Variants in PREX2 observed in about 807,000 individuals in gnomAD.
PREX2 encodes the protein phosphatidylinositol 3,4,5-trisphosphate-dependent Rac exchanger 2 protein.
A neutral mutation model predicts 203.2 loss-of-function variants in PREX2; 107 were observed. The ratio of observed to expected loss-of-function variants is 0.53; its 90% CI spans 0.45 to 0.62. The LOEUF (loss-of-function observed/expected upper bound fraction) is 0.62. PREX2 is among the 20% of genes least tolerant of loss of function. The pLI, the probability that PREX2 is intolerant of heterozygous loss-of-function variation, is 0.00. For missense variants in PREX2, 1,777 were observed against 1,955.9 expected, an observed-to-expected ratio of 0.91 and a Z score of 1.72; for synonymous variants, 672 against 663.6, an observed-to-expected ratio of 1.01 and a Z score of -0.19.
At chr8:68,162,797 C>T (rs568252080) in intron 35 of PREX2, among the ~76,000 whole-genome samples, 2 of 152,176 alleles carry the variant, frequency 1.3e-5, no homozygotes, top group East Asian at 3.9e-4. Flanking sequence ...AGGACTTGTC[C>T]CCAGACCTCA....
intron 25 of PREX2, among the ~76,000 whole-genome samples, chr8:68,112,750 G>A (rs1810559878): frequency 6.6e-6 from 1 of 152,102 alleles, no homozygotes; most frequent in Admixed American, 6.5e-5. Flanking sequence ...AGGAAATCCT[G>A]CTTAATTTGC....
At chr8:68,100,919 G>C (rs1172541479) in intron 23 of PREX2, among the ~76,000 whole-genome samples, 2 of 152,042 alleles carry the variant, frequency 1.3e-5, no homozygotes, top group African/African-American at 4.8e-5. Flanking sequence ...TTGATGGCTT[G>C]GACTACATTG....
intron 14 of PREX2, among the ~76,000 whole-genome samples, chr8:68,076,552 A>G (rs1809354897): frequency 6.6e-6 from 1 of 152,108 alleles, no homozygotes; most frequent in Non-Finnish European, 1.5e-5. Flanking sequence ...TATTGACAGT[A>G]GAAATGGAAT....
At chr8:68,056,221 C>CG (rs750957052) in intron 10 of PREX2, among the ~76,000 whole-genome samples, 80 of 151,968 alleles carry the variant, frequency 5.3e-4, no homozygotes, top group Non-Finnish European at 8.8e-4. Context: ...GTCATGATCC[C>CG]GGGGGAAAGT....
chr8:68,177,062 G>C lies in PREX2; in HGVS notation c.4347-14660G>C, dbSNP rs529971387. On this transcript the variant is annotated intron_variant, in intron 35 of 39. Transcript: ENST00000288368. ...ACAGAAAAGATAATTGCCCAGATCT[G>C]CTGAGAACAATGATACAAAAGGCCT... is the stretch of plus-strand genomic sequence containing the variant. 7.2e-5 allele frequency: 11 copies of C among 153,092 alleles called. No homozygotes were observed. In the East Asian group the frequency reaches 9.7e-4, roughly 13 times the overall value. 9.5% of individuals were successfully genotyped at this position (153,092 alleles called of 1,614,324 possible).
At chr8:67,993,762 A>G (rs373589938) in intron 1 of PREX2, among the ~76,000 whole-genome samples, 4 of 152,290 alleles carry the variant, frequency 2.6e-5, no homozygotes, top group African/African-American at 9.6e-5. Flanking sequence ...TCCAGGGCCA[A>G]TCACCATGGG....
chr8:68,073,986 T>C (rs779742554), intron 14 of PREX2, among the ~76,000 whole-genome samples: 9 of 151,970 alleles, frequency 5.9e-5, no homozygotes, highest in Non-Finnish European at 1.2e-4. Flanking sequence ...TTTTTTTTTT[T>C]AGACGAGTCT....
At chr8:68,127,943 T>C (rs1810928043) in intron 31 of PREX2, among the ~76,000 whole-genome samples, 1 of 152,198 alleles carries the variant, frequency 6.6e-6, no homozygotes, top group Admixed American at 6.5e-5. Flanking sequence ...ACTATGTCTA[T>C]TTTGTTCATC....
chr8:68,158,727 A>ATGTCTCTC (rs1178167081), intron 35 of PREX2, among the ~76,000 whole-genome samples: 1 of 152,146 alleles, frequency 6.6e-6, no homozygotes, highest in Non-Finnish European at 1.5e-5. Context: ...TTTCATTTTA[A>ATGTCTCTC]TGTCTCTCTG....
At chr8:68,198,103 G>A (rs1812434330) in intron 37 of PREX2, among the ~76,000 whole-genome samples, 1 of 152,150 alleles carries the variant, frequency 6.6e-6, no homozygotes, top group Non-Finnish European at 1.5e-5. Context: ...GTTCCCAAAA[G>A]AGTTGTCCTT....
chr8:67,969,007 GGAGGCTTT>G (rs1221091759), intron 1 of PREX2, among the ~76,000 whole-genome samples: 3 of 152,292 alleles, frequency 2.0e-5, no homozygotes, highest in Admixed American at 1.3e-4. Flanking sequence ...GCTCTTACTT[GGAGGCTTT>G]GAGATTTTCT....
At chr8:68,175,927 A>G (rs973883693) in intron 35 of PREX2, among the ~76,000 whole-genome samples, 4 of 152,092 alleles carry the variant, frequency 2.6e-5, no homozygotes, top group African/African-American at 9.6e-5. Context: ...TCTTTTGTCT[A>G]TTTAAATATT....
intron 1 of PREX2, among the ~76,000 whole-genome samples, chr8:68,000,658 A>G (rs1158326791): frequency 2.0e-5 from 3 of 152,252 alleles, no homozygotes; most frequent in African/African-American, 7.2e-5. Flanking sequence ...CTAAGCAAAA[A>G]GAACAAAGCT....
At chr8:68,193,683 T>A (rs1812340426) in intron 37 of PREX2, among the ~76,000 whole-genome samples, 1 of 152,192 alleles carries the variant, frequency 6.6e-6, no homozygotes, top group African/African-American at 2.4e-5. Flanking sequence ...TCTAGGAAAG[T>A]TACAGCTAAA....
intron 10 of PREX2, 140 bp downstream of exon 10, chr8:68,056,114 C>A: frequency 2.6e-6 from 2 of 771,282 alleles, no homozygotes; most frequent in South Asian, 3.7e-5. Context: ...ATTTCCTGGG[C>A]GGTAGCAGGA....
In PREX2 at chr8:68,076,685, T is replaced by TCACACACACACACACACACACA. The variant is rs57701553; in HGVS notation, c.1570-693_1570-672dup. On this transcript the variant is annotated intron_variant, in intron 14 of 39. Transcript: ENST00000288368. ...GAACTGTAACAATACAACTCTAAGG[T>TCACACACACACACACACACACA]CACACACACACACACACACACACAC... is the stretch of plus-strand genomic sequence containing the variant. Among the ~76,000 whole-genome samples, 5 of 143,674 alleles carry TCACACACACACACACACACACA rather than the reference T, an allele frequency of 3.5e-5. No homozygotes were observed. The Admixed American group carries it at 3.5e-4, about 10-fold the overall frequency. The allele number at this position is 143,674 out of a possible 152,430, so 94.3% of individuals were successfully genotyped here.
chr8:68,109,856 G>A (rs113034714), intron 25 of PREX2, among the ~76,000 whole-genome samples: 4 of 152,098 alleles, frequency 2.6e-5, no homozygotes, highest in African/African-American at 9.7e-5. Context: ...ACAAAATTCT[G>A]TCTTATACAA....
chr8:68,152,299 A>AACAAAAAC (rs1473375239), intron 34 of PREX2, among the ~76,000 whole-genome samples: 2 of 151,194 alleles, frequency 1.3e-5, no homozygotes, highest in Non-Finnish European at 3.0e-5. Flanking sequence ...GAAAAAAAAA[A>AACAAAAAC]AAAAAAAAAA....
At position 68,235,241 on chromosome 8, in the gene PREX2, T is replaced by C. The variant is rs1813244018; in HGVS notation, c.*3863T>C. 2 of 152,310 alleles carry C rather than the reference T, an allele frequency of 1.3e-5. No homozygotes were observed. 9.4% of individuals were successfully genotyped at this position (152,310 alleles called of 1,614,324 possible). A position where few individuals can be genotyped will look rare whatever the true frequency, so the allele number is the denominator to read the frequency against. Reference sequence around the variant, plus strand: ...TATTGAAATTTAAAATGAATAGTCTTACTTTAAGGTCACTTTTACTTTACA... The same window carrying C: ...TATTGAAATTTAAAATGAATAGTCTCACTTTAAGGTCACTTTTACTTTACA... On this transcript the variant is annotated 3_prime_UTR_variant, in exon 40 of 40. Coordinates refer to ENST00000288368, the MANE Select transcript of PREX2 (RefSeq NM_024870.4).
Sources: gnomAD v4.1 joint callset for allele counts (sites outside exome capture counted in the v4.1 genomes callset) on GRCh38, gnomAD v4.1.1 for gene constraint, MANE v1.5 for transcripts, NCBI Gene and HGNC (gene_info 2026-07-23, HGNC 2026-07-21) for gene names.